IQSEC1: variants seen among roughly 807,000 people sequenced by gnomAD.
IQSEC1 encodes the protein IQ motif and SEC7 domain-containing protein 1.
In IQSEC1, 31 loss-of-function variants were observed where a neutral mutation model predicts 91.0. That is an observed-to-expected ratio of 0.34 (90% CI 0.26 to 0.46). The LOEUF is 0.46. IQSEC1 is among the 20% of genes least tolerant of loss of function. The pLI is 1.00. For synonymous variants in IQSEC1, 699 were observed against 662.6 expected (o/e 1.05, Z -0.84); for missense variants, 1,388 against 1,575.6 (o/e 0.88, Z 2.02).
chr3:12,970,936 C>T lies in IQSEC1; in HGVS notation c.24-29071G>A, dbSNP rs1700862970. ...TGGAGCCTGGTGCACAGAAGGTCTTCGACAGCTGAATACGCCAAAGGTTGG... is the reference window on the plus strand; with the variant it reads ...TGGAGCCTGGTGCACAGAAGGTCTTTGACAGCTGAATACGCCAAAGGTTGG... On this transcript the variant is annotated intron_variant, in intron 1 of 13. Coordinates refer to ENST00000613206, the MANE Select transcript of IQSEC1 (RefSeq NM_001134382.3). The surrounding 1 kb of genome is among the most constrained non-coding windows in gnomAD (Gnocchi z 4.4). Among the ~76,000 whole-genome samples the T allele has an allele frequency of 1.3e-5, 2 of 152,202 alleles. No individual in the cohort carries two copies. Among genetic ancestry groups the T allele is most frequent in the South Asian group, 2.1e-4 (1 of 4,830 alleles).
At chr3:12,945,697 G>C (rs1364974618) in intron 1 of IQSEC1, among the ~76,000 whole-genome samples, 1 of 152,200 alleles carries the variant, frequency 6.6e-6, no homozygotes, top group Non-Finnish European at 1.5e-5. Context: ...ATTTGAGCCA[G>C]AGGACATCAC....
At chr3:12,943,473 GCC>G (rs1250279298) in intron 1 of IQSEC1, among the ~76,000 whole-genome samples, 1 of 152,218 alleles carries the variant, frequency 6.6e-6, no homozygotes, top group East Asian at 1.9e-4. Flanking sequence ...CCTGCCAGGT[GCC>G]CTGTCCCTGT....
chr3:13,117,354 AG>A (rs1706351897), intron 2 of IQSEC1, among the ~76,000 whole-genome samples: 1 of 150,834 alleles, frequency 6.6e-6, no homozygotes, highest in Admixed American at 6.6e-5. Flanking sequence ...TGGGAGGCGG[AG>A]GCGGGCGGAT....
rs138928191 is a variant in IQSEC1 at position 12,936,239 on chromosome 3, C to T, written c.777G>A (p.Ala259=). 86 of 1,613,210 alleles carry T rather than the reference C, an allele frequency of 5.3e-5. No homozygotes were observed. The highest frequency in any genetic ancestry group is 2.7e-4 in the Admixed American group (16 of 60,024). The change falls in exon 3 of 14, where the codon GCG becomes GCA. Residue 259 remains alanine (A), a synonymous_variant. Transcript: ENST00000613206. ...LHTEEAPALD[A]ARARDTEPQT... ...GGGGTTCGGTGTCCCGGGCCCGCGC[C>T]GCATCCAGGGCCGGTGCCTCCTCAG...
At chr3:13,235,242 T>C (rs2125094988) in intron 1 of IQSEC1, among the ~76,000 whole-genome samples, 1 of 152,080 alleles carries the variant, frequency 6.6e-6, no homozygotes, top group African/African-American at 2.4e-5. Context: ...CTCCCCCAGC[T>C]CTCCAGGGAG....
At chr3:13,037,674 T>G (rs534222788) in intron 1 of IQSEC1, among the ~76,000 whole-genome samples, 1 of 152,304 alleles carries the variant, frequency 6.6e-6, no homozygotes, top group Non-Finnish European at 1.5e-5. Flanking sequence ...TGGAGTATGA[T>G]TCAGCCTTAA....
intron 1 of IQSEC1, among the ~76,000 whole-genome samples, chr3:13,028,659 G>C (rs918011156): frequency 2.6e-5 from 4 of 152,222 alleles, no homozygotes; most frequent in African/African-American, 9.6e-5. Flanking sequence ...AGTCCCCATG[G>C]GTTGTCCCTT....
chr3:13,169,968 G>A (rs1693577626), intron 1 of IQSEC1, among the ~76,000 whole-genome samples: 2 of 152,248 alleles, frequency 1.3e-5, no homozygotes, highest in Non-Finnish European at 2.9e-5. Flanking sequence ...ATTTACATAA[G>A]TAATGAGAAG....
In IQSEC1 at chr3:12,968,841, C is replaced by T. The variant is rs1052611571; in HGVS notation, c.24-26976G>A. Among the ~76,000 whole-genome samples the T allele has an allele frequency of 2.0e-5, 3 of 152,228 alleles. No individual in the cohort carries two copies. In the South Asian group the frequency reaches 6.2e-4, roughly 32 times the overall value. On this transcript the variant is annotated intron_variant, in intron 1 of 13. Coordinates refer to ENST00000613206, the MANE Select transcript of IQSEC1 (RefSeq NM_001134382.3). ...CGGGAGTCAGGAAGCTGCAAGAAGCCATCAAGGCAGGGGCATTGTCTTGTG... is the reference window on the plus strand; with the variant it reads ...CGGGAGTCAGGAAGCTGCAAGAAGCTATCAAGGCAGGGGCATTGTCTTGTG...
chr3:13,012,448 C>A (rs1341830831), intron 1 of IQSEC1, among the ~76,000 whole-genome samples: 1 of 152,220 alleles, frequency 6.6e-6, no homozygotes, highest in Non-Finnish European at 1.5e-5. Flanking sequence ...CCCTTCTCAG[C>A]CCTGAGTGCC....
intron 1 of IQSEC1, among the ~76,000 whole-genome samples, chr3:13,196,694 G>A (rs764283610): frequency 2.6e-5 from 4 of 152,180 alleles, no homozygotes; most frequent in Non-Finnish European, 4.4e-5. Context: ...ATCTTTCAGT[G>A]AATGAATAAT....
intron 2 of IQSEC1, among the ~76,000 whole-genome samples, chr3:12,938,518 A>G (rs568390168): frequency 5.9e-5 from 9 of 152,300 alleles, no homozygotes; most frequent in East Asian, 3.9e-4. Context: ...ATCCCAGGCC[A>G]CAGTCTGTTT....
Position 12,901,160 on chromosome 3 carries a change from G to A in IQSEC1, c.3168C>T (p.His1056=), listed in dbSNP as rs780145420. 6 of 1,544,184 alleles carry A rather than the reference G, an allele frequency of 3.9e-6. No homozygotes were observed. Among genetic ancestry groups the A allele is most frequent in the Admixed American group, 2.0e-5 (1 of 50,910 alleles). Residue 1056 remains histidine (H), a synonymous_variant, in exon 14 of 14, where the codon CAC becomes CAT. Coordinates refer to ENST00000613206, the MANE Select transcript of IQSEC1 (RefSeq NM_001134382.3). ...HHPPQHIQHA[H]QYHHGPHGGH... Reference sequence around the variant, plus strand: ...CCCCATGGGGGCCGTGGTGGTACTGGTGTGCGTGCTGGATGTGCTGGGGTG... The same window carrying A: ...CCCCATGGGGGCCGTGGTGGTACTGATGTGCGTGCTGGATGTGCTGGGGTG...
At chr3:13,100,867 G>T (rs1185875491) in intron 2 of IQSEC1, among the ~76,000 whole-genome samples, 1 of 148,864 alleles carries the variant, frequency 6.7e-6, no homozygotes, top group Non-Finnish European at 1.5e-5. Flanking sequence ...TACAAAGGAT[G>T]CTTTGAAAGG....
intron 2 of IQSEC1, among the ~76,000 whole-genome samples, chr3:13,092,928 C>T (rs528484749): frequency 2.0e-5 from 3 of 152,178 alleles, no homozygotes; most frequent in Admixed American, 6.5e-5. Flanking sequence ...ACTCTTCCCC[C>T]TCCCGTAGCC....
intron 2 of IQSEC1, among the ~76,000 whole-genome samples, chr3:13,120,489 C>A (rs1706405941): frequency 6.6e-6 from 1 of 152,222 alleles, no homozygotes; most frequent in East Asian, 1.9e-4. Context: ...CCTCTCTGGG[C>A]TCCGTGTACT....
intron 1 of IQSEC1, among the ~76,000 whole-genome samples, chr3:13,067,189 G>T (rs1408940672): frequency 6.6e-6 from 1 of 152,218 alleles, no homozygotes; most frequent in Non-Finnish European, 1.5e-5. Context: ...CACTCTGCCT[G>T]CAGGGAGCCT....
chr3:12,967,274 C>T lies in IQSEC1; in HGVS notation c.24-25409G>A. The stretch of plus-strand genomic sequence containing the variant: ...CCCGCAGGCAGCTTTCTCTCGCACG[C>T]CGGGCGCCCGGTCCCGACGGTCACC... On this transcript the variant is annotated intron_variant, in intron 1 of 13. Transcript: ENST00000613206. The surrounding 1 kb of genome is among the most constrained non-coding windows in gnomAD (Gnocchi z 5.9). 2.2e-6 allele frequency: 2 copies of T among 907,174 alleles called. No individual in the cohort carries two copies. Among genetic ancestry groups the T allele is most frequent in the Non-Finnish European group, 3.2e-6 (2 of 631,808 alleles). The allele number at this position is 907,174 out of a possible 1,614,324, so 56.2% of individuals were successfully genotyped here.
intron 5 of IQSEC1, among the ~76,000 whole-genome samples, chr3:12,921,438 T>G (rs532008982): frequency 5.3e-5 from 8 of 152,238 alleles, no homozygotes; most frequent in African/African-American, 1.7e-4. Context: ...GCACCAAACA[T>G]GCAGGCTTCT....
Sources: allele counts gnomAD v4.1 joint callset (sites outside exome capture counted in the v4.1 genomes callset), GRCh38; gene constraint gnomAD v4.1.1; non-coding constraint Gnocchi (gnomAD v3.1); transcripts MANE v1.5; gene names NCBI Gene and HGNC (gene_info 2026-07-23, HGNC 2026-07-21).